Variants in BICC1 observed in about 807,000 individuals in gnomAD.
BICC1 encodes BicC family RNA binding protein 1.
In BICC1, 43 loss-of-function variants were observed where a neutral mutation model predicts 111.0. The observed-to-expected ratio is 0.39, with a 90% CI of 0.30 to 0.50. The LOEUF is 0.50. BICC1 is among the 20% of genes least tolerant of loss of function. The probability of loss-of-function intolerance (pLI) is 0.88; values close to 1 mark genes in which losing one functional copy is unlikely to be tolerated. For missense variants in BICC1, 1,091 were observed against 1,203.2 expected (o/e 0.91, Z 1.38); for synonymous variants, 467 against 434.4 (o/e 1.07, Z -0.93).
At chr10:58,582,948 G>A (rs189713427) in intron 1 of BICC1, among the ~76,000 whole-genome samples, 169 of 152,210 alleles carry the variant, frequency 1.1e-3, no homozygotes, top group Non-Finnish European at 1.9e-3. Context: ...CCCTCAACAT[G>A]TAACCTAACA....
In BICC1 at chr10:58,742,423, A is replaced by G. The variant is rs910816074; in HGVS notation, c.307+40280A>G. Among the ~76,000 whole-genome samples the G allele has an allele frequency of 2.8e-5, 4 of 143,448 alleles. No homozygotes were observed. In the South Asian group the frequency reaches 9.0e-4, roughly 32 times the overall value. The allele number at this position is 143,448 out of a possible 152,430, so 94.1% of individuals were successfully genotyped here. ...TCACTTCTGCCATGAGGTCATGTGT[A>G]TGCTTTAATTTTTTTTTTTTTTTTT... On this transcript the variant is annotated intron_variant, in intron 3 of 20. Coordinates refer to ENST00000373886, the MANE Select transcript of BICC1 (RefSeq NM_001080512.3).
In BICC1 at chr10:58,525,381, C is replaced by T. The variant is rs180715713; in HGVS notation, c.190+12048C>T. ...ATATACACCATGGAATACTATGCAG[C>T]CATAAAAAAGGATGAGTTCATCTCC... is the stretch of plus-strand genomic sequence containing the variant. On this transcript the variant is annotated intron_variant, in intron 1 of 20. Coordinates refer to ENST00000373886, the MANE Select transcript of BICC1 (RefSeq NM_001080512.3). 3.6e-5 allele frequency among the ~76,000 whole-genome samples: 4 copies of T among 110,666 alleles called. 1 individual carries two copies. In the East Asian group the frequency reaches 1.2e-3, roughly 32 times the overall value. The allele number at this position is 110,666 out of a possible 152,430, so 72.6% of individuals were successfully genotyped here. A position where few individuals can be genotyped will look rare whatever the true frequency, so the allele number is the denominator to read the frequency against.
chr10:58,721,455 G>T (rs1267829208), intron 3 of BICC1, among the ~76,000 whole-genome samples: 9 of 152,138 alleles, frequency 5.9e-5, no homozygotes, highest in Admixed American at 5.9e-4. Context: ...ATTAATGACT[G>T]CTGTCTAGTG....
At chr10:58,710,706 T>A (rs142197388) in intron 3 of BICC1, among the ~76,000 whole-genome samples, 1 of 152,264 alleles carries the variant, frequency 6.6e-6, no homozygotes, top group African/African-American at 2.4e-5. Flanking sequence ...TATAAATTGC[T>A]TGTTGTGTTG....
At chr10:58,825,300 A>G (rs1344317765) in intron 20 of BICC1, among the ~76,000 whole-genome samples, 1 of 152,208 alleles carries the variant, frequency 6.6e-6, no homozygotes, top group Non-Finnish European at 1.5e-5. Context: ...GTTCACTTAT[A>G]CACAGAGGTT....
At chr10:58,694,592 G>T (rs1840014525) in intron 2 of BICC1, among the ~76,000 whole-genome samples, 1 of 152,166 alleles carries the variant, frequency 6.6e-6, no homozygotes, top group Non-Finnish European at 1.5e-5. Context: ...GACATTTTGA[G>T]TGGATTTGTC....
At chr10:58,560,945 G>T (rs2131948069) in intron 1 of BICC1, among the ~76,000 whole-genome samples, 1 of 151,930 alleles carries the variant, frequency 6.6e-6, no homozygotes, top group South Asian at 2.1e-4. Context: ...CTTGTTTTTG[G>T]GTTATTATCT....
intron 17 of BICC1, among the ~76,000 whole-genome samples, chr10:58,812,309 G>C (rs1215600158): frequency 6.6e-6 from 1 of 152,026 alleles, no homozygotes; most frequent in Non-Finnish European, 1.5e-5. Context: ...GTGAGTAGTA[G>C]AGTCACTAGC....
At chr10:58,705,070 A>G (rs970230282) in intron 3 of BICC1, among the ~76,000 whole-genome samples, 5 of 152,236 alleles carry the variant, frequency 3.3e-5, no homozygotes, top group African/African-American at 4.8e-5. Context: ...GCTGCCTGGC[A>G]AGAAGGCAAG....
intron 1 of BICC1, among the ~76,000 whole-genome samples, chr10:58,580,052 A>ATTTTTTTTTTT (rs1844236002): frequency 6.7e-6 from 1 of 149,438 alleles, no homozygotes; most frequent in Non-Finnish European, 1.5e-5. Flanking sequence ...TCCAGACAGA[A>ATTTTTTTTTTT]TCTTGCCTGT....
chr10:58,564,213 G>A (rs1020251783), intron 1 of BICC1, among the ~76,000 whole-genome samples: 3 of 151,996 alleles, frequency 2.0e-5, no homozygotes, highest in African/African-American at 7.3e-5. Context: ...GGTTTTGAAG[G>A]AAAGTCACAG....
chr10:58,653,379 G>A (rs996730326), intron 2 of BICC1, among the ~76,000 whole-genome samples: 5 of 152,084 alleles, frequency 3.3e-5, no homozygotes, highest in African/African-American at 9.7e-5. Flanking sequence ...TAGAAACTGA[G>A]CCCTGCTGAT....
chr10:58,681,501 A>G (rs904834003), intron 2 of BICC1, among the ~76,000 whole-genome samples: 2 of 152,238 alleles, frequency 1.3e-5, no homozygotes, highest in Non-Finnish European at 2.9e-5. Context: ...GTCAGGAAAC[A>G]GCAGATGCTG....
chr10:58,784,858 A>C (rs921869729), intron 3 of BICC1, 143 bp from the exon 4 acceptor site: 5 of 377,138 alleles, frequency 1.3e-5, no homozygotes, highest in African/African-American at 2.1e-5. Context: ...CACACCTAGA[A>C]TTTTATTATA....
intron 8 of BICC1, among the ~76,000 whole-genome samples, chr10:58,791,101 C>T (rs1440253412): frequency 2.0e-5 from 3 of 152,092 alleles, no homozygotes; most frequent in African/African-American, 7.2e-5. Context: ...AGATTGTAAT[C>T]CACGATTTTA....
At chr10:58,817,162 C>T (rs1357344953) in intron 18 of BICC1, among the ~76,000 whole-genome samples, 3 of 151,640 alleles carry the variant, frequency 2.0e-5, no homozygotes, top group Admixed American at 6.6e-5. Context: ...TGCCATCCAA[C>T]GGAGCCTGGA....
intron 3 of BICC1, among the ~76,000 whole-genome samples, chr10:58,755,690 T>A (rs1177667084): frequency 1.3e-5 from 2 of 152,176 alleles, no homozygotes; most frequent in East Asian, 3.9e-4. Context: ...CTTTTTATTT[T>A]TTTTTTCTTT....
At chr10:58,744,839 G>A (rs1841782924) in intron 3 of BICC1, among the ~76,000 whole-genome samples, 1 of 152,132 alleles carries the variant, frequency 6.6e-6, no homozygotes, top group East Asian at 1.9e-4. Context: ...AGAACATCTG[G>A]AGGTGATCAG....
At chr10:58,701,880 A>G (rs1474173256) in intron 2 of BICC1, among the ~76,000 whole-genome samples, 194 bp from the exon 3 acceptor site, 1 of 152,132 alleles carries the variant, frequency 6.6e-6, no homozygotes, top group Non-Finnish European at 1.5e-5. Flanking sequence ...GAATATTTCT[A>G]ATAGATTAAA....
Sources: gnomAD v4.1 joint callset for allele counts (sites outside exome capture counted in the v4.1 genomes callset) on GRCh38, gnomAD v4.1.1 for gene constraint, MANE v1.5 for transcripts, NCBI Gene and HGNC (gene_info 2026-07-23, HGNC 2026-07-21) for gene names.